Variants in INO80 observed in about 807,000 individuals in gnomAD.
The protein encoded by INO80 is chromatin-remodeling ATPase INO80.
INO80 carries 20 observed loss-of-function variants against 203.4 expected under a neutral mutation model. That is an observed-to-expected ratio of 0.10 (90% CI 0.07 to 0.14). The LOEUF (loss-of-function observed/expected upper bound fraction) is 0.14, where lower values mean the gene tolerates loss of function less well. Among genes scored for constraint, INO80 ranks in the 10% least tolerant of loss-of-function variants. The pLI is 1.00. For synonymous variants in INO80, 726 were observed against 685.2 expected (o/e 1.06, Z -0.93); for missense variants, 1,419 against 1,914.4 (o/e 0.74, Z 4.83).
intron 1 of INO80, among the ~76,000 whole-genome samples, chr15:41,099,237 CAAAAAAAAAAAAAAAA>C (rs71104771): frequency 9.5e-5 from 2 of 21,076 alleles, no homozygotes; most frequent in Non-Finnish European, 2.0e-4. Flanking sequence ...GACCCTGTCT[CAAAAAAAAAAAAAAAA>C]AAAAAAAAAA....
intron 14 of INO80, among the ~76,000 whole-genome samples, chr15:41,067,078 T>A (rs1188206521): frequency 6.6e-6 from 1 of 152,000 alleles, no homozygotes; most frequent in Non-Finnish European, 1.5e-5. Flanking sequence ...GACCTTTTAT[T>A]TTTCTTTTTT....
chr15:41,005,379 T>C (rs2044025812), intron 28 of INO80: 1 of 447,120 alleles, frequency 2.2e-6, no homozygotes, highest in South Asian at 4.3e-5. Flanking sequence ...ACTTCAAACA[T>C]ACAAACTATC....
intron 31 of INO80, 82 bp from the exon 32 acceptor site, chr15:40,985,508 C>T: frequency 2.0e-6 from 2 of 984,750 alleles, no homozygotes. Flanking sequence ...TGGCCATATC[C>T]CCTGATGTTT....
At chr15:41,043,043 T>A (rs548279717) in intron 24 of INO80, among the ~76,000 whole-genome samples, 1 of 152,294 alleles carries the variant, frequency 6.6e-6, no homozygotes, top group South Asian at 2.1e-4. Flanking sequence ...CAGTTTCCCA[T>A]AAAGCATACT....
In INO80 at chr15:41,049,342, A is replaced by T. The variant is rs1213131344; in HGVS notation, c.2521T>A (p.Ser841Thr). Residue 841 changes from serine to threonine, a missense_variant, in exon 21 of 36, where the codon TCA becomes ACA. Around this residue, in one of 9 missense-constraint regions of INO80, gnomAD observed 302 missense variants for 345.4 expected, o/e 0.87. Transcript: ENST00000648947. ...FHISLKPYHI[S>T]KFIYRHGQIR... ...TGTCCATGACGGTAGATAAACTTTG[A>T]AATGTGGTATGGCTTTAGGGAAATA... The T allele has an allele frequency of 1.2e-6, 2 of 1,613,816 alleles. No individual in the cohort carries two copies. The highest frequency in any genetic ancestry group is 1.7e-6 in the Non-Finnish European group (2 of 1,179,790).
At chr15:41,079,642 GA>G in intron 9 of INO80, 58 bp downstream of exon 9, 2 of 1,445,992 alleles carry the variant, frequency 1.4e-6, no homozygotes, top group South Asian at 1.2e-5. Context: ...AAATGCAAAC[GA>G]ATCTCTTCAA....
rs780788447 is a variant in INO80, at chr15:41,095,767, A to C, written c.305T>G (p.Leu102Arg). The change falls in exon 3 of 36, where the codon CTA becomes CGA. Residue 102 changes from leucine (L) to arginine (R), a missense_variant. This residue lies in a region of INO80 where 323 missense variants were observed against 325.4 expected (regional missense o/e 0.99). Transcript: ENST00000648947. ...MLNTYSLNGV[L>R]QSESKCDKGN... ...TGTCACACCACACTGACCTGACTGT[A>C]GAACTCCATTCAGAGAATATGTGTT... The C allele has an allele frequency of 2.9e-5, 47 of 1,613,992 alleles. No homozygotes were observed. The highest frequency in any genetic ancestry group is 3.0e-5 in the Non-Finnish European group (35 of 1,180,006).
At chr15:41,008,255 G>A (rs1196670105) in intron 27 of INO80, among the ~76,000 whole-genome samples, 2 of 134,724 alleles carry the variant, frequency 1.5e-5, no homozygotes, top group African/African-American at 6.7e-5. Context: ...ACACACACAC[G>A]AATATTATTC....
chr15:41,046,996 G>A (rs939726806), intron 23 of INO80, among the ~76,000 whole-genome samples: 3 of 150,014 alleles, frequency 2.0e-5, no homozygotes, highest in Admixed American at 1.3e-4. Context: ...GATCCAGGCT[G>A]GCCTCAACTG....
intron 18 of INO80, among the ~76,000 whole-genome samples, chr15:41,054,483 T>C (rs1030831724): frequency 1.3e-5 from 2 of 152,136 alleles, no homozygotes; most frequent in Admixed American, 6.6e-5. Context: ...ATCAAAAGTA[T>C]TGATAAGGTT....
In INO80 at chr15:41,034,952, A is replaced by G. The variant is rs569292217; in HGVS notation, c.2908-7216T>C. 1.8e-4 allele frequency among the ~76,000 whole-genome samples: 27 copies of G among 152,332 alleles called. No homozygotes were observed. The East Asian group carries it at 5.0e-3, about 28-fold the overall frequency. On this transcript the variant is annotated intron_variant, in intron 24 of 35. Coordinates refer to ENST00000648947, the MANE Select transcript of INO80 (RefSeq NM_017553.3). ...TGTGGCAAATTAAATGAAAATACAG[A>G]GCTTGCAATGAAAAGAAAAAAAATG...
At chr15:40,991,311 T>C (rs1286588503) in intron 29 of INO80, among the ~76,000 whole-genome samples, 1 of 151,804 alleles carries the variant, frequency 6.6e-6, no homozygotes, top group Non-Finnish European at 1.5e-5. Context: ...CAGCGGAAAA[T>C]ATGAAATACG....
intron 13 of INO80, 131 bp from the exon 14 acceptor site, chr15:41,069,796 T>C (rs553765972): frequency 1.7e-6 from 1 of 602,042 alleles, no homozygotes; most frequent in African/African-American, 1.9e-5. Flanking sequence ...AAATCCCAAA[T>C]CTGCACATTC....
chr15:41,058,851 CT>C, intron 15 of INO80, 70 bp from the exon 16 acceptor site: 1 of 1,491,672 alleles, frequency 6.7e-7, no homozygotes, highest in Non-Finnish European at 9.1e-7. Flanking sequence ...GATGTATGGA[CT>C]GTTTTTCTAG....
chr15:41,094,393 C>T (rs910120029), intron 4 of INO80, among the ~76,000 whole-genome samples: 6 of 152,206 alleles, frequency 3.9e-5, no homozygotes, highest in Admixed American at 3.9e-4. Flanking sequence ...ACCGAAATGC[C>T]GTTACCCTGG....
At chr15:41,108,550 C>A (rs58354626) in intron 1 of INO80, among the ~76,000 whole-genome samples, 4,811 of 149,876 alleles carry the variant, frequency 0.032, 198 homozygotes, top group African/African-American at 0.093. Flanking sequence ...CGAGATCTCG[C>A]CACTGCATTC....
chr15:41,028,834 G>C (rs568508776), intron 24 of INO80, among the ~76,000 whole-genome samples: 14 of 152,024 alleles, frequency 9.2e-5, no homozygotes, highest in East Asian at 1.9e-4. Flanking sequence ...CCAGCTGGGT[G>C]AAAGAGTGAA....
At chr15:41,055,206 A>C (rs1177622879) in intron 18 of INO80, 41 bp downstream of exon 18, 2 of 1,110,852 alleles carry the variant, frequency 1.8e-6, no homozygotes, top group Non-Finnish European at 2.7e-6. Context: ...GGTTGCCTAC[A>C]CTGATAGGTA....
chr15:41,065,045 C>T (rs1318194744), intron 14 of INO80, among the ~76,000 whole-genome samples: 4 of 151,984 alleles, frequency 2.6e-5, no homozygotes, highest in East Asian at 1.9e-4. Flanking sequence ...TGTTCCAATA[C>T]GTATGACTTT....
Sources: gnomAD v4.1 joint callset for allele counts (sites outside exome capture counted in the v4.1 genomes callset) on GRCh38, gnomAD v4.1.1 for gene constraint, gnomAD v4.1.1 regional missense constraint, MANE v1.5 for transcripts, NCBI Gene and HGNC (gene_info 2026-07-23, HGNC 2026-07-21) for gene names.